The following NMNAT2 variants were observed in gnomAD, a reference collection of about 807,000 sequenced individuals.
NMNAT2 encodes nicotinamide nucleotide adenylyltransferase 2.
In NMNAT2, 11 loss-of-function variants were observed where a neutral mutation model predicts 41.6. That is an observed-to-expected ratio of 0.26 (90% CI 0.17 to 0.44). The LOEUF is 0.44. Among genes scored for constraint, NMNAT2 ranks in the 20% least tolerant of loss-of-function variants. NMNAT2 has a pLI of 1.00. For missense variants in NMNAT2, 288 were observed against 407.7 expected, an observed-to-expected ratio of 0.71 and a Z score of 2.53; for synonymous variants, 148 against 151.2, an observed-to-expected ratio of 0.98 and a Z score of 0.16.
chr1:183,292,340 G>C (rs1403085987), intron 3 of NMNAT2, among the ~76,000 whole-genome samples: 3 of 152,228 alleles, frequency 2.0e-5, no homozygotes, highest in Non-Finnish European at 4.4e-5. Flanking sequence ...GCCCGCACCT[G>C]TCTCCTGGGG....
intron 8 of NMNAT2, among the ~76,000 whole-genome samples, chr1:183,271,098 A>T (rs1222926527): frequency 6.6e-6 from 1 of 152,288 alleles, no homozygotes; most frequent in Middle Eastern, 3.4e-3. Flanking sequence ...AGATAAAACA[A>T]TTCCCTCAGT....
intron 1 of NMNAT2, among the ~76,000 whole-genome samples, chr1:183,357,103 G>T (rs541881963): frequency 2.0e-4 from 30 of 152,252 alleles, no homozygotes; most frequent in East Asian, 1.9e-3. Context: ...GAGGTGGGGG[G>T]CAGAATGTGG....
chr1:183,293,583 C>T (rs189661502), intron 2 of NMNAT2, 122 bp downstream of exon 2: 85 of 750,060 alleles, frequency 1.1e-4, no homozygotes, highest in Non-Finnish European at 1.7e-4. Context: ...TGGACCTGGG[C>T]ATTTTGTGTT....
intron 3 of NMNAT2, among the ~76,000 whole-genome samples, chr1:183,291,011 G>T (rs1473899168): frequency 6.6e-6 from 1 of 152,096 alleles, no homozygotes; most frequent in Non-Finnish European, 1.5e-5. Context: ...CCATCTCCTG[G>T]GTTCAAGTGA....
chr1:183,386,820 T>G (rs988667148), intron 1 of NMNAT2, among the ~76,000 whole-genome samples: 1 of 152,132 alleles, frequency 6.6e-6, no homozygotes, highest in Non-Finnish European at 1.5e-5. Context: ...AAATCAAAAC[T>G]GTTCTTACAT....
At chr1:183,381,032 C>T (rs1019739812) in intron 1 of NMNAT2, among the ~76,000 whole-genome samples, 1 of 151,922 alleles carries the variant, frequency 6.6e-6, no homozygotes, top group Non-Finnish European at 1.5e-5. Flanking sequence ...CTTCAGTGGT[C>T]CAGGGATGAT....
intron 8 of NMNAT2, among the ~76,000 whole-genome samples, chr1:183,267,855 TG>T (rs2102287394): frequency 6.6e-6 from 1 of 152,144 alleles, no homozygotes; most frequent in East Asian, 1.9e-4. Context: ...TCATTCGTGA[TG>T]GTGGCCAATG....
At position 183,251,717 on chromosome 1, in the gene NMNAT2, G is replaced by A. The variant is rs1309172398; in HGVS notation, c.*924C>T. On this transcript the variant is annotated 3_prime_UTR_variant, in exon 11 of 11. Coordinates refer to ENST00000287713, the MANE Select transcript of NMNAT2 (RefSeq NM_015039.4). ...GGAAATGAGGATGGACTGGCTCTGT[G>A]TGATCATAAGCTCAGAGCATCAGGG... The A allele has an allele frequency of 6.5e-6, 1 of 152,976 alleles. No individual in the cohort carries two copies. Among genetic ancestry groups the A allele is most frequent in the Non-Finnish European group, 1.5e-5 (1 of 68,286 alleles). 9.5% of individuals were successfully genotyped at this position (152,976 alleles called of 1,614,324 possible). A position where few individuals can be genotyped will look rare whatever the true frequency, so the allele number is the denominator to read the frequency against.
chr1:183,387,499 C>T (rs1648285579), intron 1 of NMNAT2, among the ~76,000 whole-genome samples: 1 of 152,156 alleles, frequency 6.6e-6, no homozygotes, highest in South Asian at 2.1e-4. Context: ...TTTCAATTTG[C>T]CTACAAGGTC....
rs1661606846 is a variant in NMNAT2, at chr1:183,293,743, C to T, written c.136G>A (p.Gly46Arg). The change falls in exon 2 of 11, where the codon GGG becomes AGG. Residue 46 changes from glycine (G) to arginine (R), a missense_variant. Gly to Arg is a moderately radical substitution (Grantham distance 125). This residue lies in a region of NMNAT2 where 100 missense variants were observed against 168.5 expected (regional missense o/e 0.59). Transcript: ENST00000287713. ...GAGTCGTGGACAGGGGAGACAATCC[C>T]GCCAATCACAATAAACCTTCCAGTT... ...HKTGRFIVIG[G>R]IVSPVHDSYG... 1 of 1,614,128 alleles carries T rather than the reference C, an allele frequency of 6.2e-7. No homozygotes were observed. Among genetic ancestry groups the T allele is most frequent in the Non-Finnish European group, 8.5e-7 (1 of 1,179,992 alleles).
intron 1 of NMNAT2, among the ~76,000 whole-genome samples, chr1:183,390,278 T>G (rs896185349): frequency 2.0e-5 from 3 of 152,204 alleles, no homozygotes; most frequent in Non-Finnish European, 4.4e-5. Flanking sequence ...ATGAATTAAG[T>G]GCTCACTTAG....
At chr1:183,342,618 A>T (rs963946781) in intron 1 of NMNAT2, among the ~76,000 whole-genome samples, 10 of 152,316 alleles carry the variant, frequency 6.6e-5, no homozygotes, top group Middle Eastern at 3.4e-3. Context: ...CTATGTTGGC[A>T]ATCCCAATCT....
intron 1 of NMNAT2, among the ~76,000 whole-genome samples, chr1:183,318,998 C>T (rs1451005108): frequency 6.6e-6 from 1 of 152,198 alleles, no homozygotes; most frequent in Non-Finnish European, 1.5e-5. Context: ...CATATAGGGA[C>T]TCAGAGCCCC....
At chr1:183,350,212 G>A (rs1663016966) in intron 1 of NMNAT2, among the ~76,000 whole-genome samples, 1 of 152,314 alleles carries the variant, frequency 6.6e-6, no homozygotes, top group South Asian at 2.1e-4. Flanking sequence ...AGGTGATGGT[G>A]AAGGTCTTCT....
intron 1 of NMNAT2, among the ~76,000 whole-genome samples, chr1:183,354,409 C>CTTTTTT (rs67663742): frequency 2.2e-5 from 2 of 89,658 alleles, no homozygotes; most frequent in African/African-American, 9.0e-5. Flanking sequence ...TCTTTAATGT[C>CTTTTTT]TTTTTTTTTT....
At chr1:183,304,676 G>A in intron 1 of NMNAT2, 1 of 1,613,996 alleles carries the variant, frequency 6.2e-7, no homozygotes. Context: ...TCACCTGAGA[G>A]AGTAACAAAC....
chr1:183,300,993 T>C (rs1557871705), intron 1 of NMNAT2, among the ~76,000 whole-genome samples: 1 of 152,234 alleles, frequency 6.6e-6, no homozygotes, highest in Non-Finnish European at 1.5e-5. Flanking sequence ...AGAGTCAAGA[T>C]TGGCATGAGA....
intron 1 of NMNAT2, among the ~76,000 whole-genome samples, chr1:183,352,791 C>A (rs978924609): frequency 3.9e-5 from 6 of 152,150 alleles, no homozygotes; most frequent in African/African-American, 1.4e-4. Context: ...AAAGGCCTCA[C>A]CTGGTTGAAG....
intron 10 of NMNAT2, among the ~76,000 whole-genome samples, chr1:183,255,341 A>C (rs1221547413): frequency 6.6e-6 from 1 of 152,188 alleles, no homozygotes; most frequent in Non-Finnish European, 1.5e-5. Flanking sequence ...ATTTTAAATG[A>C]AGAAGTGTGA....
Sources: gnomAD v4.1 joint callset for allele counts (sites outside exome capture counted in the v4.1 genomes callset) on GRCh38, gnomAD v4.1.1 for gene constraint, gnomAD v4.1.1 regional missense constraint, MANE v1.5 for transcripts, NCBI Gene and HGNC (gene_info 2026-07-23, HGNC 2026-07-21) for gene names.